Variants in MEIKIN observed in about 807,000 individuals in gnomAD.
MEIKIN encodes meiotic kinetochore factor.
chr5:131,882,605 T>C (rs1750718361), intron 8 of MEIKIN, among the ~76,000 whole-genome samples: 1 of 152,218 alleles, frequency 6.6e-6, no homozygotes, highest in Non-Finnish European at 1.5e-5. Flanking sequence ...TAAAAAAATA[T>C]ATATCTGATC....
intron 9 of MEIKIN, among the ~76,000 whole-genome samples, chr5:131,873,649 C>A (rs1233680832): frequency 1.3e-5 from 2 of 152,162 alleles, no homozygotes; most frequent in African/African-American, 4.8e-5. Context: ...CCAAGCGGAC[C>A]TAATAGACAT....
intron 5 of MEIKIN, among the ~76,000 whole-genome samples, chr5:131,930,427 T>A (rs1751669776): frequency 6.6e-6 from 1 of 152,194 alleles, no homozygotes; most frequent in African/African-American, 2.4e-5. Context: ...TTTTCTCCCA[T>A]TCTGTAGGTT....
intron 8 of MEIKIN, among the ~76,000 whole-genome samples, chr5:131,887,697 T>A (rs1580891047): frequency 3.3e-5 from 5 of 152,116 alleles, no homozygotes; most frequent in Admixed American, 3.3e-4. Context: ...TCTTGTAAAT[T>A]TGTTTTTTTT....
chr5:131,864,323 T>C (rs1750345779), intron 9 of MEIKIN, among the ~76,000 whole-genome samples: 1 of 152,210 alleles, frequency 6.6e-6, no homozygotes, highest in East Asian at 1.9e-4. Flanking sequence ...CTTTGTGTGT[T>C]TGCTTTACTT....
chr5:131,849,873 A>G (rs1432919038), intron 11 of MEIKIN, among the ~76,000 whole-genome samples: 1 of 152,048 alleles, frequency 6.6e-6, no homozygotes, highest in African/African-American at 2.4e-5. Flanking sequence ...TTGTAAAGCA[A>G]GAAGTAAAAT....
intron 12 of MEIKIN, among the ~76,000 whole-genome samples, chr5:131,817,763 T>G (rs1194418920): frequency 2.6e-5 from 4 of 152,146 alleles, no homozygotes; most frequent in Non-Finnish European, 5.9e-5. Context: ...CTCTATAGAC[T>G]TAGAGAATGC....
intron 8 of MEIKIN, among the ~76,000 whole-genome samples, chr5:131,894,914 T>G (rs1167684987): frequency 6.6e-6 from 1 of 152,236 alleles, no homozygotes; most frequent in African/African-American, 2.4e-5. Flanking sequence ...CTGGTTGCCC[T>G]GGCCAGAACT....
intron 8 of MEIKIN, among the ~76,000 whole-genome samples, chr5:131,903,750 TAAC>T (rs1421436517): frequency 6.6e-6 from 1 of 151,658 alleles, no homozygotes; most frequent in Admixed American, 6.6e-5. Context: ...AATAACCAAC[TAAC>T]AACATGACAA....
At position 131,848,011 on chromosome 5, in the gene MEIKIN, C is replaced by G. The variant is rs781723105; in HGVS notation, c.975+3253G>C. On this transcript the variant is annotated intron_variant, in intron 11 of 12. Coordinates refer to ENST00000442687, the MANE Select transcript of MEIKIN (RefSeq NM_001303622.2). Reference sequence around the variant, plus strand: ...CAAAACCACAACATAACCAAACTTACGGGATTTAGTGAAAGCAGTGCTTAA... The same window carrying G: ...CAAAACCACAACATAACCAAACTTAGGGGATTTAGTGAAAGCAGTGCTTAA... 3.3e-5 allele frequency among the ~76,000 whole-genome samples: 5 copies of G among 152,018 alleles called. 1 individual carries two copies. Among genetic ancestry groups the G allele is most frequent in the Admixed American group, 3.3e-4 (5 of 15,276 alleles).
chr5:131,881,943 A>C (rs1346284214), intron 8 of MEIKIN, among the ~76,000 whole-genome samples: 1 of 152,166 alleles, frequency 6.6e-6, no homozygotes, highest in African/African-American at 2.4e-5. Context: ...GACAGATCAA[A>C]TTTGATATGT....
chr5:131,898,742 A>G (rs1447990990), intron 8 of MEIKIN, among the ~76,000 whole-genome samples: 1 of 152,214 alleles, frequency 6.6e-6, no homozygotes, highest in East Asian at 1.9e-4. Flanking sequence ...GAGGCACGGG[A>G]GAGAATCTCC....
At chr5:131,914,228 T>C (rs774598200) in intron 7 of MEIKIN, among the ~76,000 whole-genome samples, 4 of 151,662 alleles carry the variant, frequency 2.6e-5, no homozygotes, top group Admixed American at 6.6e-5. Context: ...CTGTAAGAAA[T>C]AAATTCCTAG....
chr5:131,864,471 T>G (rs557563948), intron 9 of MEIKIN, among the ~76,000 whole-genome samples: 4 of 152,356 alleles, frequency 2.6e-5, no homozygotes, highest in African/African-American at 9.6e-5. Context: ...TTCTCCTTCA[T>G]TGGTGAAGAA....
chr5:131,834,928 G>T (rs1749775894), intron 11 of MEIKIN, among the ~76,000 whole-genome samples: 1 of 151,524 alleles, frequency 6.6e-6, no homozygotes. Context: ...GTGTACAAGG[G>T]TTCCATTTCC....
At chr5:131,850,145 C>G (rs1261502020) in intron 11 of MEIKIN, among the ~76,000 whole-genome samples, 1 of 151,492 alleles carries the variant, frequency 6.6e-6, no homozygotes, top group African/African-American at 2.4e-5. Context: ...AAGACCTACA[C>G]AATAAAAACT....
Position 131,936,233 on chromosome 5 carries a change from A to G in MEIKIN, c.350-2592T>C, listed in dbSNP as rs763603342. 1.0e-3 allele frequency among the ~76,000 whole-genome samples: 156 copies of G among 152,352 alleles called. 1 individual carries two copies. Among genetic ancestry groups the G allele is most frequent in the Non-Finnish European group, 4.0e-4 (27 of 68,036 alleles). ...AAATGTAAATGCAATTAAAAAACAT[A>G]TTTTTATCAAATTGTTCATTGTTAA... On this transcript the variant is annotated intron_variant, in intron 4 of 12. Transcript: ENST00000442687.
chr5:131,907,314 A>G (rs1408731724), intron 8 of MEIKIN, among the ~76,000 whole-genome samples: 1 of 151,926 alleles, frequency 6.6e-6, no homozygotes, highest in Non-Finnish European at 1.5e-5. Context: ...AAATTAGTAG[A>G]AAAAAAAGAT....
intron 5 of MEIKIN, among the ~76,000 whole-genome samples, chr5:131,927,030 A>C (rs1751598477): frequency 6.6e-6 from 1 of 151,308 alleles, no homozygotes; most frequent in Admixed American, 6.6e-5. Flanking sequence ...ATTTCCTTCT[A>C]TCTGATAATT....
At chr5:131,930,506 T>TC (rs1247242863) in intron 5 of MEIKIN, among the ~76,000 whole-genome samples, 1 of 152,240 alleles carries the variant, frequency 6.6e-6, no homozygotes, top group Non-Finnish European at 1.5e-5. Flanking sequence ...GTCCCATTTG[T>TC]CAATTTTTGT....
Sources: allele counts gnomAD v4.1 joint callset (sites outside exome capture counted in the v4.1 genomes callset), GRCh38; gene constraint gnomAD v4.1.1; transcripts MANE v1.5; gene names NCBI Gene and HGNC (gene_info 2026-07-23, HGNC 2026-07-21).